The following PAQR3 variants were observed in gnomAD, a reference collection of about 807,000 sequenced individuals.
PAQR3 encodes the protein Raf kinase trapping to Golgi.
In PAQR3, 39 loss-of-function variants were observed where a neutral mutation model predicts 41.7. The observed-to-expected ratio is 0.93, with a 90% CI of 0.72 to 1.22. PAQR3 has a LOEUF of 1.22. PAQR3 is among the 50% of genes most tolerant of loss of function. The pLI is 0.00. For missense variants in PAQR3, 366 were observed against 385.6 expected (o/e 0.95, Z 0.42); for synonymous variants, 140 against 140.6 (o/e 1.00, Z 0.03).
chr4:78,933,347 T>C (rs1397297262), intron 2 of PAQR3: 3 of 444,392 alleles, frequency 6.8e-6, no homozygotes, highest in African/African-American at 4.0e-5. Context: ...CCTGGGAAGG[T>C]TCAAAGCCCC....
chr4:78,893,644 C>T (rs1369519424), intron 11 of PAQR3, among the ~76,000 whole-genome samples: 1 of 152,178 alleles, frequency 6.6e-6, no homozygotes, highest in Non-Finnish European at 1.5e-5. Flanking sequence ...CTCACTATGG[C>T]CTCGAACTCC....
At chr4:78,923,106 A>G in intron 5 of PAQR3, 1 of 365,380 alleles carries the variant, frequency 2.7e-6, no homozygotes, top group South Asian at 2.0e-5. Context: ...CTTTGTCACC[A>G]TTATCTATTT....
At position 78,919,340 on chromosome 4, in the gene PAQR3, G is replaced by T. The variant is rs1446043140; in HGVS notation, c.*1199C>A. The T allele has an allele frequency of 1.0e-6, 1 of 982,810 alleles. No individual in the cohort carries two copies. Among genetic ancestry groups the T allele is most frequent in the Non-Finnish European group, 1.2e-6 (1 of 827,898 alleles). The allele number at this position is 982,810 out of a possible 1,614,324, so 60.9% of individuals were successfully genotyped here. On this transcript the variant is annotated 3_prime_UTR_variant, in exon 6 of 6. Transcript: ENST00000512733. ...AGTTTTTATGAATGTCTACTTTAAGGGATTTAACTAATGCATATGAAAGAC... is the reference window on the plus strand; with the variant it reads ...AGTTTTTATGAATGTCTACTTTAAGTGATTTAACTAATGCATATGAAAGAC...
chr4:78,887,828 G>A (rs1240294115), intron 12 of PAQR3, among the ~76,000 whole-genome samples: 1 of 152,120 alleles, frequency 6.6e-6, no homozygotes, highest in African/African-American at 2.4e-5. Context: ...TCGTGCATTG[G>A]CATAAATGAA....
chr4:78,931,939 G>A (rs1390419997), intron 2 of PAQR3, among the ~76,000 whole-genome samples: 1 of 152,184 alleles, frequency 6.6e-6, no homozygotes, highest in Non-Finnish European at 1.5e-5. Context: ...CAACAGAGGT[G>A]TGGACTAGAA....
chr4:78,929,815 A>G (rs1736650653), intron 3 of PAQR3, among the ~76,000 whole-genome samples: 2 of 152,232 alleles, frequency 1.3e-5, no homozygotes, highest in South Asian at 4.1e-4. Context: ...AACAAGTGTT[A>G]ATTTTAACTT....
chr4:78,896,880 C>G (rs1258488137), intron 11 of PAQR3, among the ~76,000 whole-genome samples: 1 of 152,080 alleles, frequency 6.6e-6, no homozygotes, highest in Non-Finnish European at 1.5e-5. Context: ...TGGCCAAGAG[C>G]ATGTACATTT....
chr4:78,911,954 T>C lies in PAQR3; in HGVS notation c.*8585A>G, dbSNP rs114815339. The C allele has an allele frequency of 1.9e-3, 2,998 of 1,613,990 alleles. 53 individuals carry two copies. In the African/African-American group the frequency reaches 0.036, roughly 19 times the overall value. On this transcript the variant is annotated 3_prime_UTR_variant, in exon 6 of 6. Transcript: ENST00000512733. ...TTTACAGAACTTGTGGTGCAAAGCA[T>C]CACTCCACATCAGTCCCAACAGTCC...
Position 78,911,967 on chromosome 4 carries a change from G to A in PAQR3, c.*8572C>T. The stretch of plus-strand genomic sequence containing the variant: ...TGGTGCAAAGCATCACTCCACATCA[G>A]TCCCAACAGTCCCAACCAGTCGAAT... On this transcript the variant is annotated 3_prime_UTR_variant, in exon 6 of 6. Coordinates refer to ENST00000512733, the MANE Select transcript of PAQR3 (RefSeq NM_001040202.2). 1 of 1,613,896 alleles carries A rather than the reference G, an allele frequency of 6.2e-7. No homozygotes were observed. Among genetic ancestry groups the A allele is most frequent in the South Asian group, 1.1e-5 (1 of 91,076 alleles).
chr4:78,930,876 C>G (rs1400932536), intron 2 of PAQR3, among the ~76,000 whole-genome samples: 1 of 60,788 alleles, frequency 1.6e-5, no homozygotes, highest in Non-Finnish European at 3.2e-5. Flanking sequence ...TACACATGCA[C>G]ACATTATATA....
rs1301486268 is a variant in PAQR3, at chr4:78,930,172, T to C, written c.502A>G (p.Asn168Asp). 2 of 1,607,254 alleles carry C rather than the reference T, an allele frequency of 1.2e-6. No homozygotes were observed. Among genetic ancestry groups the C allele is most frequent in the Non-Finnish European group, 1.7e-6 (2 of 1,177,940 alleles). ...GTAAAATGTTTTCATCTACTTACGT[T>C]ATTACAATAAAATGCGTAAAATACT... ...SGVFYAFYCNNYWRQVYLITV... is the reference protein window; with the variant it reads ...SGVFYAFYCNDYWRQVYLITV... Residue 168 changes from asparagine (N) to aspartate (D), a missense_variant and splice_region_variant, in exon 3 of 6, where the codon AAC becomes GAC. Transcript: ENST00000512733.
intron 10 of PAQR3, among the ~76,000 whole-genome samples, chr4:78,906,800 A>G (rs1365667066): frequency 1.3e-5 from 2 of 152,138 alleles, no homozygotes; most frequent in Admixed American, 6.6e-5. Flanking sequence ...ATGATGGTAG[A>G]GTGCTTATTA....
downstream of PAQR3, chr4:78,911,313 C>T: frequency 6.2e-7 from 1 of 1,613,934 alleles, no homozygotes; most frequent in Non-Finnish European, 8.5e-7. Context: ...CACATACTAT[C>T]CCTGGTTATC....
chr4:78,925,176 C>CA (rs373252486), intron 4 of PAQR3, among the ~76,000 whole-genome samples: 6,492 of 148,128 alleles, frequency 0.044, 169 homozygotes, highest in African/African-American at 0.075. Flanking sequence ...TTTCTGAATA[C>CA]AAAAAAAAAA....
intron 11 of PAQR3, among the ~76,000 whole-genome samples, chr4:78,900,683 T>C (rs1378145369): frequency 6.6e-6 from 1 of 152,230 alleles, no homozygotes; most frequent in Non-Finnish European, 1.5e-5. Context: ...TTCCAGACTT[T>C]TAGAAAGATT....
At chr4:78,922,393 C>CCCTT in intron 5 of PAQR3, 1 of 1,288,980 alleles carries the variant, frequency 7.8e-7, no homozygotes, top group Non-Finnish European at 1.0e-6. Flanking sequence ...GTGGTACAAT[C>CCCTT]CCTTCTCTGA....
chr4:78,921,630 A>T (rs1735671462), intron 5 of PAQR3: 1 of 935,282 alleles, frequency 1.1e-6, no homozygotes, highest in African/African-American at 1.8e-5. Context: ...CTATCCATGG[A>T]CACCTTGGGG....
chr4:78,894,096 G>A (rs192600893), intron 11 of PAQR3, among the ~76,000 whole-genome samples: 1 of 152,322 alleles, frequency 6.6e-6, no homozygotes, highest in Non-Finnish European at 1.5e-5. Context: ...CAGATGTGAT[G>A]TCATCCAGGC....
rs1578003105 is a variant in PAQR3, at chr4:78,918,226, T to C, written c.*2313A>G. The C allele has an allele frequency of 1.2e-6, 1 of 828,866 alleles. No individual in the cohort carries two copies. Among genetic ancestry groups the C allele is most frequent in the Non-Finnish European group, 1.4e-6 (1 of 725,844 alleles). The allele number at this position is 828,866 out of a possible 1,614,324, so 51.3% of individuals were successfully genotyped here. On this transcript the variant is annotated 3_prime_UTR_variant, in exon 6 of 6. Coordinates refer to ENST00000512733, the MANE Select transcript of PAQR3 (RefSeq NM_001040202.2). ...AGTCTTTTTTAGTAATAAAACTGGA[T>C]AGTATATTTTAATCTTACTTTAATC... is the stretch of plus-strand genomic sequence containing the variant.
Sources: gnomAD v4.1 joint callset for allele counts (sites outside exome capture counted in the v4.1 genomes callset) on GRCh38, gnomAD v4.1.1 for gene constraint, MANE v1.5 for transcripts, NCBI Gene and HGNC (gene_info 2026-07-23, HGNC 2026-07-21) for gene names.